The following PCDHGA4 variants were observed in gnomAD, a reference collection of about 807,000 sequenced individuals.
PCDHGA4 encodes the protein protocadherin gamma subfamily A, 4.
PCDHGA4 carries 38 observed loss-of-function variants against 54.6 expected under a neutral mutation model. That is an observed-to-expected ratio of 0.70 (90% CI 0.54 to 0.91). The LOEUF (loss-of-function observed/expected upper bound fraction) is 0.91, where lower values mean the gene tolerates loss of function less well. Among genes scored for constraint, PCDHGA4 ranks in the 40% least tolerant of loss-of-function variants. The pLI, the probability that PCDHGA4 is intolerant of heterozygous loss-of-function variation, is 0.00. For missense variants in PCDHGA4, 1,298 were observed against 1,220.9 expected (o/e 1.06, Z -0.94); for synonymous variants, 511 against 512.9 (o/e 1.00, Z 0.05).
rs2097542578 is a variant in PCDHGA4 at position 141,432,849 on chromosome 5, T to C, written c.2515-61958T>C. On this transcript the variant is annotated intron_variant, in intron 1 of 3. Coordinates refer to ENST00000571252, the MANE Select transcript of PCDHGA4 (RefSeq NM_018917.4). The surrounding 1 kb of genome is among the most constrained non-coding windows in gnomAD (Gnocchi z 6.0). ...CTCACTCTGTACCTGGTGGTAGCGG[T>C]GGCCGCGGTCTCCTGCGTCTTCCTG... 2 of 1,614,076 alleles carry C rather than the reference T, an allele frequency of 1.2e-6. No individual in the cohort carries two copies. Among genetic ancestry groups the C allele is most frequent in the South Asian group, 1.1e-5 (1 of 91,096 alleles).
chr5:141,398,448 G>A lies in PCDHGA4; in HGVS notation c.2514+40827G>A, dbSNP rs1213915296. On this transcript the variant is annotated intron_variant, in intron 1 of 3. Coordinates refer to ENST00000571252, the MANE Select transcript of PCDHGA4 (RefSeq NM_018917.4). ...AGCCAGCTTGTGCTCTGGAATTTGAGGCTGTTGCTGAAAATCCACTGAACT... is the reference window on the plus strand; with the variant it reads ...AGCCAGCTTGTGCTCTGGAATTTGAAGCTGTTGCTGAAAATCCACTGAACT... 2.5e-6 allele frequency: 4 copies of A among 1,574,288 alleles called. No individual in the cohort carries two copies. In the Middle Eastern group the frequency reaches 5.2e-4, roughly 203 times the overall value.
chr5:141,496,132 C>T (rs865808904), intron 2 of PCDHGA4, among the ~76,000 whole-genome samples: 1 of 152,058 alleles, frequency 6.6e-6, no homozygotes, highest in African/African-American at 2.4e-5. Flanking sequence ...CCCTCACACA[C>T]TGAGCCTTTG....
At position 141,490,181 on chromosome 5, in the gene PCDHGA4, G is replaced by A. The variant is rs755899660; in HGVS notation, c.2515-4626G>A. ...GGTCCCATAGACTTTGAGGAGTCACGTTTCTATGAAATTCATGCAAGAGCC... is the reference window on the plus strand; with the variant it reads ...GGTCCCATAGACTTTGAGGAGTCACATTTCTATGAAATTCATGCAAGAGCC... On this transcript the variant is annotated intron_variant, in intron 1 of 3. Coordinates refer to ENST00000571252, the MANE Select transcript of PCDHGA4 (RefSeq NM_018917.4). This position sits in a 1 kb window ranked among gnomAD's most constrained non-coding sequence, Gnocchi z 5.4. The A allele has an allele frequency of 9.9e-6, 16 of 1,614,200 alleles. No homozygotes were observed. Among genetic ancestry groups the A allele is most frequent in the Middle Eastern group, 1.6e-4 (1 of 6,062 alleles).
rs1482322150 is a variant in PCDHGA4, at chr5:141,485,119, C to T, written c.2515-9688C>T. On this transcript the variant is annotated intron_variant, in intron 1 of 3. Transcript: ENST00000571252. This position sits in a 1 kb window ranked among gnomAD's most constrained non-coding sequence, Gnocchi z 5.7. ...CTCCAGCTGCTGTGGCTGTTTGGGGCGGGTCGGCTTCATCCGCGTCTCAGG... is the reference window on the plus strand; with the variant it reads ...CTCCAGCTGCTGTGGCTGTTTGGGGTGGGTCGGCTTCATCCGCGTCTCAGG... 9.8e-6 allele frequency: 13 copies of T among 1,328,806 alleles called. No individual in the cohort carries two copies. The East Asian group carries it at 1.8e-4, about 19-fold the overall frequency. 82.3% of individuals were successfully genotyped at this position (1,328,806 alleles called of 1,614,324 possible). A position where few individuals can be genotyped will look rare whatever the true frequency, so the allele number is the denominator to read the frequency against.
Position 141,489,564 on chromosome 5 carries a change from G to A in PCDHGA4, c.2515-5243G>A, listed in dbSNP as rs375200685. The A allele has an allele frequency of 1.9e-6, 3 of 1,613,980 alleles. No homozygotes were observed. Among genetic ancestry groups the A allele is most frequent in the Non-Finnish European group, 1.7e-6 (2 of 1,180,020 alleles). On this transcript the variant is annotated intron_variant, in intron 1 of 3. Transcript: ENST00000571252. This position sits in a 1 kb window ranked among gnomAD's most constrained non-coding sequence, Gnocchi z 4.5. Reference sequence around the variant, plus strand: ...CCAGCTGCCTGCTGCCAGTGCAGGTGGTGACTGAACACCCCCTGGAGCTAA... The same window carrying A: ...CCAGCTGCCTGCTGCCAGTGCAGGTAGTGACTGAACACCCCCTGGAGCTAA...
At chr5:141,437,652 A>T (rs899628392) in intron 1 of PCDHGA4, among the ~76,000 whole-genome samples, 1 of 152,196 alleles carries the variant, frequency 6.6e-6, no homozygotes, top group African/African-American at 2.4e-5. Context: ...AAGCAAACAC[A>T]TAGTTTCGAA....
intron 1 of PCDHGA4, among the ~76,000 whole-genome samples, chr5:141,455,289 A>C (rs1592356100): frequency 6.6e-6 from 1 of 152,074 alleles, no homozygotes; most frequent in South Asian, 2.1e-4. Flanking sequence ...ATCACTTTAC[A>C]TAGTTTCATC....
At position 141,357,188 on chromosome 5, in the gene PCDHGA4, C is replaced by A; in HGVS notation, c.2081C>A (p.Ala694Asp). The A allele has an allele frequency of 1.2e-6, 2 of 1,613,782 alleles. No homozygotes were observed. The highest frequency in any genetic ancestry group is 1.7e-6 in the Non-Finnish European group (2 of 1,179,892). The change falls in exon 1 of 4, where the codon GCT becomes GAT. Residue 694 changes from alanine to aspartate, a missense_variant. By Grantham distance (126) the Ala-to-Asp change is moderately radical. Coordinates refer to ENST00000571252, the MANE Select transcript of PCDHGA4 (RefSeq NM_018917.4). ...PLSATVTLTV[A>D]VADSIPDVLA... Reference sequence around the variant, plus strand: ...TCGGCCACCGTCACACTCACTGTGGCTGTGGCCGACAGCATCCCAGATGTC... The same window carrying A: ...TCGGCCACCGTCACACTCACTGTGGATGTGGCCGACAGCATCCCAGATGTC...
chr5:141,418,123 C>A (rs1049456676), intron 1 of PCDHGA4: 8 of 1,613,914 alleles, frequency 5.0e-6, no homozygotes, highest in Admixed American at 3.3e-5. Flanking sequence ...TTGTGAAGGA[C>A]CGAATAGACC....
chr5:141,359,315 A>G (rs1471429370), intron 1 of PCDHGA4, among the ~76,000 whole-genome samples: 3 of 152,178 alleles, frequency 2.0e-5, no homozygotes, highest in Non-Finnish European at 2.9e-5. Context: ...AGGTGTTGGC[A>G]TTAGGAATAT....
chr5:141,434,027 G>A (rs887125944), intron 1 of PCDHGA4, among the ~76,000 whole-genome samples: 3 of 152,130 alleles, frequency 2.0e-5, no homozygotes, highest in Non-Finnish European at 2.9e-5. Flanking sequence ...GATTCTGGAA[G>A]CATGGTTTTC....
chr5:141,398,408 A>G (rs2093653088), intron 1 of PCDHGA4: 1 of 1,473,232 alleles, frequency 6.8e-7, no homozygotes, highest in African/African-American at 1.4e-5. Flanking sequence ...GACAGGGAGG[A>G]GATATGCGGG....
chr5:141,425,127 A>G (rs1353123394), intron 1 of PCDHGA4, among the ~76,000 whole-genome samples: 2 of 152,208 alleles, frequency 1.3e-5, no homozygotes, highest in Non-Finnish European at 2.9e-5. Flanking sequence ...CTTGAAGTCA[A>G]GAAAAATGTT....
At chr5:141,467,582 TGCCATTTATTAA>T (rs2099146610) in intron 1 of PCDHGA4, among the ~76,000 whole-genome samples, 2 of 152,216 alleles carry the variant, frequency 1.3e-5, no homozygotes, top group Non-Finnish European at 1.5e-5. Context: ...GTTGTCCCAA[TGCCATTTATTAA>T]GCACTTCATC....
At position 141,400,743 on chromosome 5, in the gene PCDHGA4, C is replaced by T. The variant is rs1404866842; in HGVS notation, c.2514+43122C>T. 6.5e-6 allele frequency: 4 copies of T among 611,214 alleles called. No individual in the cohort carries two copies. In the East Asian group the frequency reaches 1.1e-4, roughly 17 times the overall value. 37.9% of individuals were successfully genotyped at this position (611,214 alleles called of 1,614,324 possible). A position where few individuals can be genotyped will look rare whatever the true frequency, so the allele number is the denominator to read the frequency against. On this transcript the variant is annotated intron_variant, in intron 1 of 3. Coordinates refer to ENST00000571252, the MANE Select transcript of PCDHGA4 (RefSeq NM_018917.4). ...ATTTACAAAGTAGTGAGAGTTTGCTCTTAGCTTCCTCTCTAGCAAAAACAT... is the reference window on the plus strand; with the variant it reads ...ATTTACAAAGTAGTGAGAGTTTGCTTTTAGCTTCCTCTCTAGCAAAAACAT...
rs1330713312 is a variant in PCDHGA4 at position 141,414,559 on chromosome 5, T to G, written c.2514+56938T>G. The stretch of plus-strand genomic sequence containing the variant: ...ACCTACCTTCTCTCAAGTCTCCTAC[T>G]TTACCTATATCCCAGAGAACAACGC... On this transcript the variant is annotated intron_variant, in intron 1 of 3. Coordinates refer to ENST00000571252, the MANE Select transcript of PCDHGA4 (RefSeq NM_018917.4). 5.0e-6 allele frequency: 8 copies of G among 1,613,782 alleles called. No homozygotes were observed. The Admixed American group carries it at 1.0e-4, about 20-fold the overall frequency.
chr5:141,360,660 C>A lies in PCDHGA4; in HGVS notation c.2514+3039C>A, dbSNP rs530891991. On this transcript the variant is annotated intron_variant, in intron 1 of 3. Coordinates refer to ENST00000571252, the MANE Select transcript of PCDHGA4 (RefSeq NM_018917.4). Reference sequence around the variant, plus strand: ...TACAAAGATACCACCTTAATGACAACGAGTACTTTGATCTCGCTGAGAAAC... The same window carrying A: ...TACAAAGATACCACCTTAATGACAAAGAGTACTTTGATCTCGCTGAGAAAC... 1.2e-5 allele frequency: 19 copies of A among 1,613,968 alleles called. No individual in the cohort carries two copies. The African/African-American group carries it at 2.4e-4, about 20-fold the overall frequency.
In PCDHGA4 at chr5:141,432,038, C is replaced by T. The variant is rs202246871; in HGVS notation, c.2515-62769C>T. ...CAACATCACAGTGACCGCCACTGAC[C>T]GGGGAACCCCGCCCCTATCCACGGA... On this transcript the variant is annotated intron_variant, in intron 1 of 3. Coordinates refer to ENST00000571252, the MANE Select transcript of PCDHGA4 (RefSeq NM_018917.4). The surrounding 1 kb of genome is among the most constrained non-coding windows in gnomAD (Gnocchi z 6.0). 15 of 1,614,190 alleles carry T rather than the reference C, an allele frequency of 9.3e-6. No individual in the cohort carries two copies. The African/African-American group carries it at 1.5e-4, about 16-fold the overall frequency.
chr5:141,382,477 A>C (rs906879449), intron 1 of PCDHGA4, among the ~76,000 whole-genome samples: 5 of 152,240 alleles, frequency 3.3e-5, no homozygotes, highest in African/African-American at 1.2e-4. Context: ...ATTATCTAAG[A>C]TTATCAAACA....
Sources: allele counts gnomAD v4.1 joint callset (sites outside exome capture counted in the v4.1 genomes callset), GRCh38; gene constraint gnomAD v4.1.1; non-coding constraint Gnocchi (gnomAD v3.1); transcripts MANE v1.5; gene names NCBI Gene and HGNC (gene_info 2026-07-23, HGNC 2026-07-21).